The following FBXW10B variants were observed in gnomAD, a reference collection of about 807,000 sequenced individuals.
FBXW10B encodes the protein F-box and WD repeat domain containing 10B.
the FBXW10B span, among the ~76,000 whole-genome samples, chr17:15,582,845 G>A: frequency 6.6e-6 from 1 of 151,860 alleles, no homozygotes; most frequent in Non-Finnish European, 1.5e-5. Flanking sequence ...CTTCTAATGT[G>A]CTCCACCAAT....
the FBXW10B span, chr17:15,589,091 G>A: frequency 1.2e-5 from 19 of 1,524,656 alleles, no homozygotes; most frequent in East Asian, 2.3e-5. Context: ...GCTGGTAAGT[G>A]TCCTGCGATG....
the FBXW10B span, among the ~76,000 whole-genome samples, chr17:15,579,374 TC>T: frequency 6.6e-6 from 1 of 152,160 alleles, no homozygotes; most frequent in Non-Finnish European, 1.5e-5. Context: ...CTCTACAATA[TC>T]TATAACTTGA....
At chr17:15,582,453 C>T in the FBXW10B span, among the ~76,000 whole-genome samples, 1 of 152,188 alleles carries the variant, frequency 6.6e-6, no homozygotes, top group East Asian at 1.9e-4. Flanking sequence ...GATTTCATGG[C>T]AAATCAAACT....
the FBXW10B span, among the ~76,000 whole-genome samples, chr17:15,604,788 C>T: frequency 3.3e-5 from 5 of 152,104 alleles, no homozygotes; most frequent in African/African-American, 1.2e-4. Flanking sequence ...CCGCCCACCT[C>T]GGCCTCCCAA....
chr17:15,607,056 C>T, the FBXW10B span, among the ~76,000 whole-genome samples: 2 of 151,554 alleles, frequency 1.3e-5, no homozygotes, highest in African/African-American at 4.9e-5. Context: ...GGGAAGATAT[C>T]TATAGTACTT....
At chr17:15,598,470 C>T in the FBXW10B span, 1 of 1,612,098 alleles carries the variant, frequency 6.2e-7, no homozygotes, top group Non-Finnish European at 8.5e-7. Flanking sequence ...CAAAACAAAG[C>T]ATTTTGGTAA....
the FBXW10B span, among the ~76,000 whole-genome samples, chr17:15,569,466 T>TTA: frequency 1.5e-5 from 2 of 133,586 alleles, no homozygotes; most frequent in Non-Finnish European, 3.2e-5. Flanking sequence ...TTTTTTTTTT[T>TTA]TTTTTTTTTT....
chr17:15,607,594 A>G, the FBXW10B span: 1 of 1,613,810 alleles, frequency 6.2e-7, no homozygotes, highest in Non-Finnish European at 8.5e-7. Context: ...GAATGCGAAC[A>G]TTGTAGGTCC....
the FBXW10B span, among the ~76,000 whole-genome samples, chr17:15,569,895 C>T: frequency 6.6e-6 from 1 of 152,138 alleles, no homozygotes; most frequent in Non-Finnish European, 1.5e-5. Flanking sequence ...AATGTGATGT[C>T]ATTTGCCCAC....
chr17:15,601,768 G>C, the FBXW10B span, among the ~76,000 whole-genome samples: 1 of 152,088 alleles, frequency 6.6e-6, no homozygotes, highest in Non-Finnish European at 1.5e-5. Flanking sequence ...TTGAAAGTTG[G>C]TAAACTTACT....
chr17:15,608,612 C>A, the FBXW10B span, among the ~76,000 whole-genome samples: 1 of 151,996 alleles, frequency 6.6e-6, no homozygotes, highest in Non-Finnish European at 1.5e-5. Flanking sequence ...TGCCACCACG[C>A]CTGGCTAATT....
the FBXW10B span, among the ~76,000 whole-genome samples, chr17:15,570,196 C>G: frequency 2.0e-5 from 3 of 152,066 alleles, no homozygotes; most frequent in Non-Finnish European, 4.4e-5. Flanking sequence ...AGTAAAGATA[C>G]CAAAGAAGGA....
At chr17:15,606,228 C>G in the FBXW10B span, among the ~76,000 whole-genome samples, 1 of 140,742 alleles carries the variant, frequency 7.1e-6, no homozygotes. Flanking sequence ...CACGCCCAAC[C>G]TGGGGACACT....
chr17:15,609,856 T>TTTTTTTC, the FBXW10B span, among the ~76,000 whole-genome samples: 1 of 118,980 alleles, frequency 8.4e-6, no homozygotes, highest in African/African-American at 3.7e-5. Flanking sequence ...TTCTTTCTTT[T>TTTTTTTC]TTTTTTTTTT....
the FBXW10B span, among the ~76,000 whole-genome samples, chr17:15,598,273 A>G: frequency 2.6e-5 from 4 of 151,870 alleles, no homozygotes; most frequent in East Asian, 3.9e-4. Flanking sequence ...CTAAAGGGCC[A>G]TATCCTATTA....
At chr17:15,613,574 G>A in the FBXW10B span, 1 of 1,489,560 alleles carries the variant, frequency 6.7e-7, no homozygotes, top group Non-Finnish European at 9.0e-7. Flanking sequence ...CGAAAATGAA[G>A]CTGGTCTCAG....
At chr17:15,603,338 C>T in the FBXW10B span, among the ~76,000 whole-genome samples, 2 of 152,004 alleles carry the variant, frequency 1.3e-5, no homozygotes, top group South Asian at 4.1e-4. Context: ...CCCCACACTG[C>T]AGATTTTGGA....
the FBXW10B span, chr17:15,619,132 G>A: frequency 1.6e-5 from 26 of 1,613,856 alleles, no homozygotes; most frequent in East Asian, 2.2e-5. Flanking sequence ...ACTGGGTGCT[G>A]TTCGCAAACC....
At chr17:15,590,698 C>T in the FBXW10B span, among the ~76,000 whole-genome samples, 2 of 150,442 alleles carry the variant, frequency 1.3e-5, no homozygotes, top group African/African-American at 4.9e-5. Context: ...TCCCTCAAAC[C>T]TTTATAGTGA....
Sources: gnomAD v4.1 joint callset for allele counts (sites outside exome capture counted in the v4.1 genomes callset) on GRCh38, gnomAD v4.1.1 for gene constraint, MANE v1.5 for transcripts, NCBI Gene and HGNC (gene_info 2026-07-23, HGNC 2026-07-21) for gene names.